NETO1: variants seen among roughly 807,000 people sequenced by gnomAD.
NETO1 encodes neuropilin and tolloid-like protein 1.
In NETO1, 26 loss-of-function variants were observed where a neutral mutation model predicts 61.3. The observed-to-expected ratio is 0.42, with a 90% CI of 0.31 to 0.59. NETO1 has a LOEUF of 0.59. NETO1 is among the 20% of genes least tolerant of loss of function. The probability of loss-of-function intolerance (pLI) is 0.12; values close to 1 mark genes in which losing one functional copy is unlikely to be tolerated. For missense variants in NETO1, 531 were observed against 662.8 expected (o/e 0.80, Z 2.18); for synonymous variants, 225 against 225.8 (o/e 1.00, Z 0.03).
At chr18:72,788,104 A>G (rs2071983665) in intron 6 of NETO1, among the ~76,000 whole-genome samples, 1 of 152,130 alleles carries the variant, frequency 6.6e-6, no homozygotes, top group South Asian at 2.1e-4. Flanking sequence ...TTTTCATTTG[A>G]CAGTTCTATA....
chr18:72,859,148 A>T, intron 3 of NETO1, 74 bp from the exon 4 acceptor site: 1 of 1,416,364 alleles, frequency 7.1e-7, no homozygotes, highest in South Asian at 1.5e-5. Context: ...ATTCTATTTC[A>T]GATGTTATTT....
At position 72,841,733 on chromosome 18, in the gene NETO1, C is replaced by CAAAAAAAAAAAAAAA. The variant is rs1341296691; in HGVS notation, c.469+17092_469+17093insTTTTTTTTTTTTTTT. On this transcript the variant is annotated intron_variant, in intron 4 of 10. Coordinates refer to ENST00000327305, the MANE Select transcript of NETO1 (RefSeq NM_138966.5). The stretch of plus-strand genomic sequence containing the variant: ...TGGGAGACAGAGTGAGACTCTACCT[C>CAAAAAAAAAAAAAAA]AACAAAAAAAAAAAAAAAAAAAAAG... Among the ~76,000 whole-genome samples, 2 of 71,002 alleles carry CAAAAAAAAAAAAAAA rather than the reference C, an allele frequency of 2.8e-5. 1 individual carries two copies. 46.6% of individuals were successfully genotyped at this position (71,002 alleles called of 152,430 possible).
chr18:72,817,457 T>C (rs1013274575), intron 4 of NETO1, among the ~76,000 whole-genome samples: 14 of 152,328 alleles, frequency 9.2e-5, no homozygotes, highest in African/African-American at 3.1e-4. Flanking sequence ...CCAACAAAGA[T>C]GTGATAAATA....
chr18:72,815,334 C>T (rs1386275704), intron 4 of NETO1, among the ~76,000 whole-genome samples: 4 of 152,070 alleles, frequency 2.6e-5, no homozygotes, highest in Non-Finnish European at 5.9e-5. Context: ...GAATTTTCAA[C>T]CTCCACATGA....
intron 7 of NETO1, among the ~76,000 whole-genome samples, chr18:72,779,857 T>C (rs2145214155): frequency 6.6e-6 from 1 of 152,178 alleles, no homozygotes; most frequent in East Asian, 1.9e-4. Context: ...CGGTTCTGGA[T>C]GTTAGGAAGT....
chr18:72,847,066 A>G (rs2074111841), intron 4 of NETO1, among the ~76,000 whole-genome samples: 2 of 152,270 alleles, frequency 1.3e-5, no homozygotes, highest in African/African-American at 4.8e-5. Flanking sequence ...TACTTACAGA[A>G]AACTCTTGGG....
chr18:72,851,704 C>T (rs2074255338), intron 4 of NETO1, among the ~76,000 whole-genome samples: 1 of 152,096 alleles, frequency 6.6e-6, no homozygotes, highest in South Asian at 2.1e-4. Flanking sequence ...ACATTTCAAA[C>T]AACATGGAGA....
chr18:72,756,107 CAT>C lies in NETO1; in HGVS notation c.907_908del (p.Met303ValfsTer3), dbSNP rs1234063597. On this transcript the variant is annotated frameshift_variant, in exon 8 of 11. Transcript: ENST00000327305. LOFTEE classifies it high-confidence loss of function. ...EGNTFFCHSN[M>X]CINNTLVCNG... ...TGCAGACCAAAGTATTATTAATACA[CAT>C]GTTACTATGGCAGAAGAATGTGTTG... The C allele has an allele frequency of 1.9e-6, 3 of 1,609,182 alleles. No homozygotes were observed. Among genetic ancestry groups the C allele is most frequent in the Non-Finnish European group, 2.6e-6 (3 of 1,176,162 alleles).
At chr18:72,777,191 G>A (rs1047679252) in intron 7 of NETO1, among the ~76,000 whole-genome samples, 1 of 150,288 alleles carries the variant, frequency 6.7e-6, no homozygotes, top group East Asian at 2.0e-4. Context: ...GCCGAGGCAT[G>A]TGGATCACCT....
At position 72,859,012 on chromosome 18, in the gene NETO1, C is replaced by T; in HGVS notation, c.283G>A (p.Glu95Lys). 1.2e-6 allele frequency: 2 copies of T among 1,613,752 alleles called. No homozygotes were observed. Among genetic ancestry groups the T allele is most frequent in the Non-Finnish European group, 1.7e-6 (2 of 1,179,794 alleles). The part of the protein sequence containing the change: ...DEKYSIEPSW[E>K]CKFDHIEVRD... ...ACTTCAATATGATCAAATTTGCACTCCCAAGACGGTTCAATAGAGTACTTT... is the reference window on the plus strand; with the variant it reads ...ACTTCAATATGATCAAATTTGCACTTCCAAGACGGTTCAATAGAGTACTTT... The change falls in exon 4 of 11, where the codon GAG (glutamate) becomes AAG (lysine). Residue 95 changes from glutamate (E) to lysine (K), a missense_variant. Coordinates refer to ENST00000327305, the MANE Select transcript of NETO1 (RefSeq NM_138966.5).
chr18:72,802,323 G>A (rs1314436387), intron 4 of NETO1, among the ~76,000 whole-genome samples: 2 of 152,162 alleles, frequency 1.3e-5, no homozygotes, highest in Non-Finnish European at 2.9e-5. Context: ...ATTTACACCT[G>A]CCATTGCTGA....
rs1251264142 is a variant in NETO1 at position 72,750,504 on chromosome 18, G to T, written c.1099C>A (p.Gln367Lys). The change falls in exon 9 of 11, where the codon CAG (glutamine) becomes AAG (lysine). Residue 367 changes from glutamine to lysine, a missense_variant. Physicochemically the swap from Gln to Lys is moderately conservative, Grantham distance 53. Coordinates refer to ENST00000327305, the MANE Select transcript of NETO1 (RefSeq NM_138966.5). ...IIISVIVQIKQPRKKYVQRKS... is the reference protein window; with the variant it reads ...IIISVIVQIKKPRKKYVQRKS... ...CTTTGGACATACTTTTTACGAGGCT[G>T]TTTGATCTGTACGATGACAGAGATG... The T allele has an allele frequency of 1.2e-6, 2 of 1,614,074 alleles. No homozygotes were observed.
chr18:72,834,865 A>T, intron 4 of NETO1: 1 of 927,944 alleles, frequency 1.1e-6, no homozygotes, highest in Non-Finnish European at 1.3e-6. Context: ...AAAAGATTGT[A>T]ATACAAGAAT....
In NETO1 at chr18:72,762,903, T is replaced by G. The variant is rs537536984; in HGVS notation, c.869-6756A>C. Reference sequence around the variant, plus strand: ...CATATTTTAGTCATGTAGGAGAAGATAAAATAAAGCCACAACACTCAAAAT... The same window carrying G: ...CATATTTTAGTCATGTAGGAGAAGAGAAAATAAAGCCACAACACTCAAAAT... On this transcript the variant is annotated intron_variant, in intron 7 of 10. Transcript: ENST00000327305. Among the ~76,000 whole-genome samples the G allele has an allele frequency of 2.1e-4, 32 of 152,236 alleles. 1 individual carries two copies. The highest frequency in any genetic ancestry group is 7.0e-4 in the African/African-American group (29 of 41,552).
intron 7 of NETO1, among the ~76,000 whole-genome samples, chr18:72,760,083 TC>T (rs1007409367): frequency 3.0e-4 from 46 of 152,336 alleles, no homozygotes; most frequent in African/African-American, 1.0e-3. Flanking sequence ...CACGAGACCC[TC>T]CAACTAACTT....
intron 4 of NETO1, among the ~76,000 whole-genome samples, chr18:72,845,437 A>G (rs1374497534): frequency 6.6e-6 from 1 of 152,232 alleles, no homozygotes; most frequent in African/African-American, 2.4e-5. Flanking sequence ...CAGTATAGAA[A>G]AATAAATGAT....
chr18:72,791,824 C>T (rs915118506), intron 6 of NETO1, among the ~76,000 whole-genome samples: 24 of 152,098 alleles, frequency 1.6e-4, no homozygotes, highest in Non-Finnish European at 2.4e-4. Context: ...CCACACCTTA[C>T]GAAAACAGCA....
At position 72,867,171 on chromosome 18, in the gene NETO1, C is replaced by A. The variant is rs1376421316; in HGVS notation, c.28+93G>T. On this transcript the variant is annotated intron_variant, in intron 1 of 10. Coordinates refer to ENST00000327305, the MANE Select transcript of NETO1 (RefSeq NM_138966.5). The stretch of plus-strand genomic sequence containing the variant: ...CGGGACTGCAGGGTCCGCCGGAGCG[C>A]GGCGCAGAGGCTTTTCCTGCGCGTT... 5.3e-6 allele frequency: 5 copies of A among 947,778 alleles called. No homozygotes were observed. The Admixed American group carries it at 1.3e-4, about 25-fold the overall frequency. The allele number at this position is 947,778 out of a possible 1,614,324, so 58.7% of individuals were successfully genotyped here.
chr18:72,837,112 GAAT>G (rs1395158859), intron 4 of NETO1, among the ~76,000 whole-genome samples: 2 of 152,118 alleles, frequency 1.3e-5, no homozygotes, highest in Admixed American at 6.5e-5. Context: ...TTGTTCAACA[GAAT>G]AATAATATTC....
Sources: gnomAD v4.1 joint callset for allele counts (sites outside exome capture counted in the v4.1 genomes callset) on GRCh38, gnomAD v4.1.1 for gene constraint, MANE v1.5 for transcripts, NCBI Gene and HGNC (gene_info 2026-07-23, HGNC 2026-07-21) for gene names.